NDUFB8: variants seen among roughly 807,000 people sequenced by gnomAD.
NDUFB8 encodes NADH dehydrogenase [ubiquinone] 1 beta subcomplex subunit 8, mitochondrial.
Under a neutral mutation model 26.0 loss-of-function variants are expected in NDUFB8, and 17 were observed. The ratio of observed to expected loss-of-function variants is 0.65; its 90% CI spans 0.45 to 0.98. The LOEUF is 0.98. NDUFB8 is among the 50% of genes least tolerant of loss of function. The probability of loss-of-function intolerance (pLI) is 0.00; values close to 1 mark genes in which losing one functional copy is unlikely to be tolerated. For synonymous variants in NDUFB8, 89 were observed against 93.1 expected (o/e 0.96, Z 0.25); for missense variants, 238 against 255.0 (o/e 0.93, Z 0.45).
intron 2 of NDUFB8, among the ~76,000 whole-genome samples, chr10:100,527,384 C>A (rs1852070605): frequency 6.6e-6 from 1 of 152,146 alleles, no homozygotes; most frequent in Non-Finnish European, 1.5e-5. Context: ...GGGCAGATCA[C>A]CTAAGGTCAG....
At chr10:100,527,534 T>C (rs1043409415) in intron 2 of NDUFB8, among the ~76,000 whole-genome samples, 17 of 151,960 alleles carry the variant, frequency 1.1e-4, no homozygotes, top group Non-Finnish European at 8.8e-5. Context: ...ACCCAAGAAG[T>C]GGAGGTTGCA....
At chr10:100,528,106 C>T (rs1852083544) in intron 2 of NDUFB8, among the ~76,000 whole-genome samples, 1 of 152,266 alleles carries the variant, frequency 6.6e-6, no homozygotes, top group Admixed American at 6.5e-5. Flanking sequence ...GCGTGAGCCA[C>T]TGTGCCTGGC....
In NDUFB8 at chr10:100,529,384, T is replaced by A. The variant is rs1005571394; in HGVS notation, c.208A>T (p.Met70Leu). The change falls in exon 2 of 5, where the codon ATG becomes TTG. Residue 70 changes from methionine to leucine, a missense_variant. Coordinates refer to ENST00000299166, the MANE Select transcript of NDUFB8 (RefSeq NM_005004.4). ...AGCATACCCTCTCTGTCTCACCCCA[T>A]GCCATCATCCGGGTAAGGTTCGTAG... ...EDYEPYPDDG[M>L]GYGDYPKLPD... The A allele has an allele frequency of 1.2e-6, 2 of 1,607,620 alleles. No individual in the cohort carries two copies. Among genetic ancestry groups the A allele is most frequent in the East Asian group, 2.2e-5 (1 of 44,668 alleles).
intron 2 of NDUFB8, 31 bp downstream of exon 2, chr10:100,529,349 C>T (rs577948729): frequency 1.9e-6 from 3 of 1,561,072 alleles, no homozygotes; most frequent in African/African-American, 2.8e-5. Context: ...CCCATCACTA[C>T]TTGGGTGCGA....
intron 2 of NDUFB8, among the ~76,000 whole-genome samples, chr10:100,527,831 T>C (rs1852078214): frequency 6.6e-6 from 1 of 152,150 alleles, no homozygotes. Flanking sequence ...TCTTTTTCTC[T>C]TTTTTGAGAC....
At chr10:100,529,284 G>T in intron 2 of NDUFB8, 96 bp downstream of exon 2, 1 of 1,208,482 alleles carries the variant, frequency 8.3e-7, no homozygotes. Flanking sequence ...GAGGGGTCAC[G>T]AGAAGGTTCG....
rs375513200 is a variant in NDUFB8 at position 100,526,415 on chromosome 10, G to T, written c.452C>A (p.Pro151His). 2 of 1,605,356 alleles carry T rather than the reference G, an allele frequency of 1.2e-6. No homozygotes were observed. Among genetic ancestry groups the T allele is most frequent in the Non-Finnish European group, 1.7e-6 (2 of 1,177,708 alleles). The change falls in exon 4 of 5, where the codon CCT becomes CAT. Residue 151 changes from proline to histidine, a missense_variant. Transcript: ENST00000299166. ...IFMCWVGDVYPVYQPVGPKQY... is the reference protein window; with the variant it reads ...IFMCWVGDVYHVYQPVGPKQY... ...GATACTCACCACAGGCTGGTAGACA[G>T]GGTACACGTCCCCCACCCAGCACAT...
At chr10:100,526,615 C>A in intron 3 of NDUFB8, 61 bp from the exon 4 acceptor site, 4 of 1,586,866 alleles carry the variant, frequency 2.5e-6, no homozygotes, top group Non-Finnish European at 3.4e-6. Context: ...CAGGCAAGTC[C>A]CCAGTGATTA....
rs762549874 is a variant in NDUFB8, at chr10:100,523,878, G to A, written c.520C>T (p.Pro174Ser). The A allele has an allele frequency of 1.9e-6, 3 of 1,614,030 alleles. No homozygotes were observed. The highest frequency in any genetic ancestry group is 1.3e-5 in the African/African-American group (1 of 74,894). ...NNLYLERGGD[P>S]SKEPERVVHY... is the part of the protein sequence containing the mutation. ...ACCACCCGCTCTGGTTCTTTGGAGG[G>A]ATCACCGCCTCGTTCCAGGTACAGA... The change falls in exon 5 of 5, where the codon CCC becomes TCC. Residue 174 changes from proline (P) to serine (S), a missense_variant. By Grantham distance (74) the Pro-to-Ser change is moderately conservative. Transcript: ENST00000299166.
upstream of NDUFB8, chr10:100,529,921 C>A (rs1010653040): frequency 4.6e-6 from 7 of 1,526,616 alleles, no homozygotes; most frequent in Non-Finnish European, 5.3e-6. Context: ...CCGGGCCAAA[C>A]GTGACGGAGG....
At chr10:100,528,566 C>G (rs909041360) in intron 2 of NDUFB8, among the ~76,000 whole-genome samples, 10 of 152,216 alleles carry the variant, frequency 6.6e-5, no homozygotes, top group Non-Finnish European at 8.8e-5. Context: ...TCTCAAACAC[C>G]TCATGGGACC....
chr10:100,528,047 T>C (rs566958007), intron 2 of NDUFB8, among the ~76,000 whole-genome samples: 4 of 152,350 alleles, frequency 2.6e-5, no homozygotes, highest in Admixed American at 1.3e-4. Flanking sequence ...CTTGATCTCC[T>C]GACCTCGTGA....
At chr10:100,529,298 A>G (rs2133714109) in intron 2 of NDUFB8, 82 bp downstream of exon 2, 2 of 1,294,402 alleles carry the variant, frequency 1.5e-6, no homozygotes, top group Middle Eastern at 2.1e-4. Context: ...AGGTTCGGGA[A>G]AAAGGGTCAC....
At position 100,526,961 on chromosome 10, in the gene NDUFB8, T is replaced by A; in HGVS notation, c.312+14A>T. The stretch of plus-strand genomic sequence containing the variant: ...AAGAGAGAAGGAAGGTCAAATGAGA[T>A]ATGGTTCTCTTACCGGTTCACCCCA... On this transcript the variant is annotated intron_variant, in intron 3 of 4. Transcript: ENST00000299166. The A allele has an allele frequency of 2.5e-6, 4 of 1,609,868 alleles. No individual in the cohort carries two copies. In the Admixed American group the frequency reaches 6.7e-5, roughly 27 times the overall value.
chr10:100,524,157 AAAGGGGGAGGG>A lies in NDUFB8; in HGVS notation c.469-239_469-229del. On this transcript the variant is annotated intron_variant, in intron 4 of 4. Coordinates refer to ENST00000299166, the MANE Select transcript of NDUFB8 (RefSeq NM_005004.4). The surrounding 1 kb of genome is among the most constrained non-coding windows in gnomAD (Gnocchi z 4.0). ...TGCCTACACTGTGAGAGAGAAGGAG[AAAGGGGGAGGG>A]AAGGGGGTTAGGGAAAGGAGGGGAA... 6.5e-7 allele frequency: 1 copy of A among 1,544,058 alleles called. No homozygotes were observed. Among genetic ancestry groups the A allele is most frequent in the Non-Finnish European group, 8.8e-7 (1 of 1,136,016 alleles).
At chr10:100,527,813 A>G (rs1444625414) in intron 2 of NDUFB8, among the ~76,000 whole-genome samples, 2 of 151,980 alleles carry the variant, frequency 1.3e-5, no homozygotes, top group African/African-American at 2.4e-5. Flanking sequence ...CATATGTACC[A>G]TTTTTTATCT....
In NDUFB8 at chr10:100,527,061, G is replaced by T; in HGVS notation, c.226C>A (p.Pro76Thr). The T allele has an allele frequency of 6.2e-7, 1 of 1,614,100 alleles. No individual in the cohort carries two copies. Among genetic ancestry groups the T allele is most frequent in the Non-Finnish European group, 8.5e-7 (1 of 1,179,998 alleles). ...PDDGMGYGDY[P>T]KLPDRSQHER... ...TGCTGTGAGCGGTCAGGGAGCTTCG[G>T]GTAGTCGCCATACCTGAAAGACAGC... The change falls in exon 3 of 5, where the codon CCG becomes ACG. Residue 76 changes from proline (P) to threonine (T), a missense_variant. By Grantham distance (38) the Pro-to-Thr change is conservative. Transcript: ENST00000299166.
intron 2 of NDUFB8, among the ~76,000 whole-genome samples, chr10:100,527,787 A>G (rs1375758872): frequency 6.6e-6 from 1 of 152,226 alleles, no homozygotes; most frequent in Non-Finnish European, 1.5e-5. Context: ...TAAGTTTATA[A>G]TAAAGCTGCC....
Position 100,524,159 on chromosome 10 carries a change from AG to A in NDUFB8, c.469-231del. The A allele has an allele frequency of 8.4e-7, 1 of 1,186,646 alleles. No homozygotes were observed. The highest frequency in any genetic ancestry group is 1.2e-6 in the Non-Finnish European group (1 of 841,566). The allele number at this position is 1,186,646 out of a possible 1,614,324, so 73.5% of individuals were successfully genotyped here. On this transcript the variant is annotated intron_variant, in intron 4 of 4. Transcript: ENST00000299166. The surrounding 1 kb of genome is among the most constrained non-coding windows in gnomAD (Gnocchi z 4.0). Reference sequence around the variant, plus strand: ...CCTACACTGTGAGAGAGAAGGAGAAAGGGGGAGGGAAGGGGGTTAGGGAAAG... The same window carrying A: ...CCTACACTGTGAGAGAGAAGGAGAAAGGGGAGGGAAGGGGGTTAGGGAAAG...
Sources: gnomAD v4.1 joint callset for allele counts (sites outside exome capture counted in the v4.1 genomes callset) on GRCh38, gnomAD v4.1.1 for gene constraint, Gnocchi (gnomAD v3.1) non-coding constraint, MANE v1.5 for transcripts, NCBI Gene and HGNC (gene_info 2026-07-23, HGNC 2026-07-21) for gene names.